PARD3: variants seen among roughly 807,000 people sequenced by gnomAD.
PARD3 encodes the protein partitioning defective 3 homolog.
PARD3 carries 75 observed loss-of-function variants against 155.4 expected under a neutral mutation model. The observed-to-expected ratio is 0.48, with a 90% CI of 0.40 to 0.58. PARD3 has a LOEUF of 0.58. Among genes scored for constraint, PARD3 ranks in the 20% least tolerant of loss-of-function variants. The pLI is 0.00. For synonymous variants in PARD3, 576 were observed against 610.5 expected, an observed-to-expected ratio of 0.94 and a Z score of 0.83; for missense variants, 1,642 against 1,721.7, an observed-to-expected ratio of 0.95 and a Z score of 0.82.
intron 7 of PARD3, among the ~76,000 whole-genome samples, chr10:34,386,070 T>C (rs1842317810): frequency 6.6e-6 from 1 of 152,230 alleles, no homozygotes. Flanking sequence ...TTTTGCAGTT[T>C]AACATTTTTA....
chr10:34,692,546 A>G (rs2094085583), intron 2 of PARD3, among the ~76,000 whole-genome samples: 17 of 152,358 alleles, frequency 1.1e-4, no homozygotes, highest in Admixed American at 1.1e-3. Flanking sequence ...AAAGAACTTA[A>G]GCAAACTAAC....
At position 34,564,482 on chromosome 10, in the gene PARD3, C is replaced by A. The variant is rs1184492432; in HGVS notation, c.223-47323G>T. Among the ~76,000 whole-genome samples, 3 of 152,160 alleles carry A rather than the reference C, an allele frequency of 2.0e-5. No homozygotes were observed. In the East Asian group the frequency reaches 5.8e-4, roughly 29 times the overall value. On this transcript the variant is annotated intron_variant, in intron 2 of 24. Transcript: ENST00000374788. Reference sequence around the variant, plus strand: ...AGGCAAAAGACACAGGTCTTGCTCACAAGTCATCAGCAATCTTCGGAGGGT... The same window carrying A: ...AGGCAAAAGACACAGGTCTTGCTCAAAAGTCATCAGCAATCTTCGGAGGGT...
intron 2 of PARD3, among the ~76,000 whole-genome samples, chr10:34,564,167 G>T (rs2085735591): frequency 6.6e-6 from 1 of 152,134 alleles, no homozygotes; most frequent in Non-Finnish European, 1.5e-5. Context: ...TTTTTTATGA[G>T]AAGTAAAAAT....
At chr10:34,182,878 C>T (rs1411595607) in intron 22 of PARD3, among the ~76,000 whole-genome samples, 1 of 152,014 alleles carries the variant, frequency 6.6e-6, no homozygotes, top group Non-Finnish European at 1.5e-5. Flanking sequence ...TAGTGTCTTT[C>T]TCATCAGAAA....
chr10:34,147,944 T>A (rs1029157448), intron 22 of PARD3, among the ~76,000 whole-genome samples: 3 of 152,080 alleles, frequency 2.0e-5, no homozygotes, highest in African/African-American at 7.2e-5. Flanking sequence ...GAGCAAAACA[T>A]CTGCTAAAAC....
At chr10:34,498,006 T>C (rs537128483) in intron 3 of PARD3, among the ~76,000 whole-genome samples, 1 of 152,210 alleles carries the variant, frequency 6.6e-6, no homozygotes, top group African/African-American at 2.4e-5. Context: ...AGAAGTGCTT[T>C]CCCCCCTCTC....
chr10:34,792,040 CGTGCTCGCCTCGTGACATGCGCCCAG>C (rs1841700660), intron 1 of PARD3, among the ~76,000 whole-genome samples: 2 of 152,312 alleles, frequency 1.3e-5, no homozygotes, highest in Middle Eastern at 6.8e-3. Flanking sequence ...GGATGCATCA[CGTGCTCGCCTCGTGACATGCGCCCAG>C]GTGCTCGCTT....
rs112269781 is a variant in PARD3 at position 34,789,372 on chromosome 10, T to C, written c.120+25504A>G. ...TAAGTAAAGTAACTAGGAACAACTG[T>C]GTATGCATTATGATTTCAATTATCA... is the stretch of plus-strand genomic sequence containing the variant. On this transcript the variant is annotated intron_variant, in intron 1 of 24. Transcript: ENST00000374788. Among the ~76,000 whole-genome samples the C allele has an allele frequency of 6.2e-3, 943 of 152,270 alleles. 11 individuals are homozygous for C. The highest frequency in any genetic ancestry group is 0.022 in the African/African-American group (921 of 41,552).
intron 2 of PARD3, among the ~76,000 whole-genome samples, chr10:34,563,391 A>C (rs905750106): frequency 1.3e-5 from 2 of 152,168 alleles, no homozygotes; most frequent in South Asian, 4.1e-4. Flanking sequence ...GTTTTAAGAC[A>C]GAGTCTCGCA....
chr10:34,716,717 C>T (rs184525934), intron 1 of PARD3, among the ~76,000 whole-genome samples: 372 of 151,592 alleles, frequency 2.5e-3, no homozygotes, highest in Non-Finnish European at 3.5e-3. Context: ...CTCAGCCTCC[C>T]GAGTAGCTGG....
At chr10:34,382,114 G>A (rs192633931) in intron 9 of PARD3, among the ~76,000 whole-genome samples, 10 of 152,090 alleles carry the variant, frequency 6.6e-5, no homozygotes, top group Non-Finnish European at 1.3e-4. Flanking sequence ...TGAGATTGAC[G>A]TGCACTACCT....
At chr10:34,630,567 A>C (rs1342156821) in intron 2 of PARD3, among the ~76,000 whole-genome samples, 1 of 148,624 alleles carries the variant, frequency 6.7e-6, no homozygotes, top group South Asian at 2.1e-4. Flanking sequence ...TCCCACCTCA[A>C]CCTCCTGGAG....
intron 22 of PARD3, among the ~76,000 whole-genome samples, chr10:34,181,511 A>C (rs1281147897): frequency 6.6e-6 from 1 of 152,240 alleles, no homozygotes; most frequent in Non-Finnish European, 1.5e-5. Flanking sequence ...GTGAGAAAAC[A>C]TAAAGGATGC....
chr10:34,744,409 A>C (rs114742579), intron 1 of PARD3, among the ~76,000 whole-genome samples: 1,870 of 152,342 alleles, frequency 0.012, 34 homozygotes, highest in African/African-American at 0.043. Context: ...ACCTTCCAAG[A>C]TGAAAAAGCT....
rs140420439 is a variant in PARD3, at chr10:34,594,502, T to A, written c.223-77343A>T. The stretch of plus-strand genomic sequence containing the variant: ...TTTCAACTCAGCTCTCACCTGGCTA[T>A]GCAAGAGACCAGAAAACCTCAAGAA... On this transcript the variant is annotated intron_variant, in intron 2 of 24. Coordinates refer to ENST00000374788, the MANE Select transcript of PARD3 (RefSeq NM_001184785.2). 7.8e-3 allele frequency among the ~76,000 whole-genome samples: 1,182 copies of A among 151,894 alleles called. 9 individuals are homozygous for A. The highest frequency in any genetic ancestry group is 0.012 in the Non-Finnish European group (790 of 68,018).
At chr10:34,372,610 A>G (rs1840803829) in intron 11 of PARD3, 74 bp from the exon 12 acceptor site, 5 of 1,069,774 alleles carry the variant, frequency 4.7e-6, no homozygotes, top group Non-Finnish European at 7.2e-6. Flanking sequence ...ACAATGATTT[A>G]TTTTAAAGAA....
intron 22 of PARD3, among the ~76,000 whole-genome samples, chr10:34,147,711 C>G (rs1199458634): frequency 2.0e-5 from 3 of 151,576 alleles, no homozygotes; most frequent in Non-Finnish European, 2.9e-5. Context: ...ATTTGTTTTT[C>G]TCTTTATATA....
chr10:34,777,633 C>A (rs1417930348), intron 1 of PARD3, among the ~76,000 whole-genome samples: 1 of 152,078 alleles, frequency 6.6e-6, no homozygotes, highest in African/African-American at 2.4e-5. Flanking sequence ...CAAGCTCAAG[C>A]AATCCTCCCA....
At chr10:34,341,198 A>C (rs1019851247) in intron 16 of PARD3, among the ~76,000 whole-genome samples, 1 of 151,872 alleles carries the variant, frequency 6.6e-6, no homozygotes, top group Non-Finnish European at 1.5e-5. Flanking sequence ...AAAAAAAAAA[A>C]AACACTTTAA....
Sources: allele counts gnomAD v4.1 joint callset (sites outside exome capture counted in the v4.1 genomes callset), GRCh38; gene constraint gnomAD v4.1.1; transcripts MANE v1.5; gene names NCBI Gene and HGNC (gene_info 2026-07-23, HGNC 2026-07-21).